The following KLHL13 variants were observed in gnomAD, a reference collection of about 807,000 sequenced individuals.
KLHL13 encodes kelch-like protein 13.
In KLHL13, 10 loss-of-function variants were observed where a neutral mutation model predicts 37.1. The ratio of observed to expected loss-of-function variants is 0.27; its 90% CI spans 0.17 to 0.46. The LOEUF is 0.46. KLHL13 is among the 20% of genes least tolerant of loss of function. KLHL13 has a pLI of 1.00. For missense variants in KLHL13, 360 were observed against 509.3 expected, an observed-to-expected ratio of 0.71 and a Z score of 2.82; for synonymous variants, 163 against 181.2, an observed-to-expected ratio of 0.90 and a Z score of 0.81.
At chrX:117,940,057 G>C (rs971956073) in intron 2 of KLHL13, among the ~76,000 whole-genome samples, 1 of 111,807 alleles carries the variant, frequency 8.9e-6, no homozygotes, top group Non-Finnish European at 1.9e-5. Flanking sequence ...TTTTCTTCCA[G>C]GGTTTTTATG....
chrX:118,071,218 C>T lies in KLHL13; in HGVS notation c.-56+45290G>A, dbSNP rs780219506. Among the ~76,000 whole-genome samples, 13 of 111,556 alleles carry T rather than the reference C, an allele frequency of 1.2e-4. No individual in the cohort carries two copies. The South Asian group carries it at 1.5e-3, about 13-fold the overall frequency. ...TGTGAATAATGCCGCAATAAACATA[C>T]GTGTGCATGTGTCTTTATAGCGGCA... On this transcript the variant is annotated intron_variant, in intron 1 of 6. Coordinates refer to the KLHL13 transcript ENST00000371882.
chrX:118,008,662 C>T (rs924867044), intron 1 of KLHL13, among the ~76,000 whole-genome samples: 3 of 111,479 alleles, frequency 2.7e-5, no homozygotes, highest in African/African-American at 9.8e-5. Context: ...AGAGGTGATA[C>T]AGGACAGGCA....
At chrX:118,115,618 C>G (rs1354111539) in intron 1 of KLHL13, among the ~76,000 whole-genome samples, 1 of 112,427 alleles carries the variant, frequency 8.9e-6, no homozygotes, top group Non-Finnish European at 1.9e-5. Context: ...CTAAAGTCCT[C>G]TGACTACATT....
intron 1 of KLHL13, among the ~76,000 whole-genome samples, chrX:118,023,654 C>T (rs1421968935): frequency 9.0e-6 from 1 of 111,479 alleles, no homozygotes; most frequent in Non-Finnish European, 1.9e-5. Flanking sequence ...CTGCAACCTC[C>T]GCCTCCCAGG....
intron 1 of KLHL13, among the ~76,000 whole-genome samples, chrX:118,041,296 G>A (rs769393947): frequency 8.9e-6 from 1 of 112,119 alleles, no homozygotes; most frequent in East Asian, 2.8e-4. Flanking sequence ...GGGGACCAAG[G>A]TGGGTGGATC....
intron 1 of KLHL13, among the ~76,000 whole-genome samples, chrX:118,093,247 C>T (rs986817077): frequency 4.5e-5 from 5 of 111,691 alleles, no homozygotes; most frequent in Non-Finnish European, 9.4e-5. Context: ...AGCCAAAGTT[C>T]CTTTCATAAC....
chrX:117,996,300 C>G (rs1411766875), intron 1 of KLHL13, among the ~76,000 whole-genome samples: 1 of 111,891 alleles, frequency 8.9e-6, no homozygotes, highest in African/African-American at 3.2e-5. Context: ...ATGATTCAGA[C>G]AGTTTGCTAA....
intron 1 of KLHL13, among the ~76,000 whole-genome samples, chrX:118,080,189 A>G (rs751702284): frequency 1.2e-4 from 13 of 111,830 alleles, no homozygotes; most frequent in Non-Finnish European, 1.5e-4. Context: ...AAACCTATGA[A>G]TACTCTTTTC....
intron 1 of KLHL13, among the ~76,000 whole-genome samples, chrX:117,950,787 TC>T (rs1020224167): frequency 1.2e-4 from 13 of 112,409 alleles, no homozygotes; most frequent in African/African-American, 4.2e-4. Context: ...CAAAGTACTT[TC>T]CATCCATTTG....
intron 1 of KLHL13, among the ~76,000 whole-genome samples, chrX:117,999,704 AT>A (rs928603431): frequency 3.7e-5 from 4 of 108,397 alleles, no homozygotes; most frequent in African/African-American, 1.1e-4. Context: ...TAAAAAATCT[AT>A]TAAAAATAAA....
At chrX:118,111,747 C>A (rs766340239) in intron 1 of KLHL13, among the ~76,000 whole-genome samples, 8 of 111,953 alleles carry the variant, frequency 7.1e-5, no homozygotes, top group African/African-American at 2.6e-4. Context: ...AAAAAACTAG[C>A]CTGGCGTGGT....
At chrX:118,101,678 C>T (rs1299657223) in intron 1 of KLHL13, among the ~76,000 whole-genome samples, 1 of 111,185 alleles carries the variant, frequency 9.0e-6, no homozygotes, top group East Asian at 2.8e-4. Flanking sequence ...TTATAATCCC[C>T]AAGTGTGGAG....
At chrX:117,960,473 T>C (rs1188337098) in intron 1 of KLHL13, among the ~76,000 whole-genome samples, 1 of 111,454 alleles carries the variant, frequency 9.0e-6, no homozygotes, top group Non-Finnish European at 1.9e-5. Context: ...CAGTAGATGT[T>C]ACCTGACACT....
chrX:117,981,947 A>C (rs1027253671), intron 1 of KLHL13, among the ~76,000 whole-genome samples: 9 of 111,285 alleles, frequency 8.1e-5, no homozygotes, highest in Non-Finnish European at 1.3e-4. Context: ...CTGACAGTGT[A>C]AGATTGTCTC....
At chrX:118,006,583 T>C (rs1292124013) in intron 1 of KLHL13, among the ~76,000 whole-genome samples, 1 of 112,074 alleles carries the variant, frequency 8.9e-6, no homozygotes, top group East Asian at 2.8e-4. Context: ...GAAAAACAAA[T>C]AGACTTAACT....
chrX:117,960,509 AC>A (rs1231780713), intron 1 of KLHL13, among the ~76,000 whole-genome samples: 4 of 112,125 alleles, frequency 3.6e-5, no homozygotes, highest in Non-Finnish European at 7.5e-5. Context: ...TGCCCCCTGC[AC>A]CTGCCAAACA....
intron 2 of KLHL13, among the ~76,000 whole-genome samples, chrX:117,934,849 A>G (rs761934926): frequency 1.8e-5 from 2 of 110,261 alleles, no homozygotes; most frequent in South Asian, 7.7e-4. Flanking sequence ...TTTCTTCCAG[A>G]ATCACATACA....
chrX:118,049,558 G>A, intron 1 of KLHL13, among the ~76,000 whole-genome samples: 1 of 110,154 alleles, frequency 9.1e-6, no homozygotes, highest in Non-Finnish European at 1.9e-5. Context: ...TAAAATACCT[G>A]AGCACTAACT....
chrX:117,941,043 C>T (rs1432414300), intron 2 of KLHL13, among the ~76,000 whole-genome samples: 1 of 111,880 alleles, frequency 8.9e-6, no homozygotes, highest in Admixed American at 9.5e-5. Flanking sequence ...AGAATGCTTC[C>T]AGCTTTTGCC....
Sources: allele counts gnomAD v4.1 joint callset (sites outside exome capture counted in the v4.1 genomes callset), GRCh38; gene constraint gnomAD v4.1.1; transcripts MANE v1.5; gene names NCBI Gene and HGNC (gene_info 2026-07-23, HGNC 2026-07-21).